ATR: variants seen among roughly 807,000 people sequenced by gnomAD.
ATR encodes the protein serine/threonine-protein kinase ATR.
In ATR, 142 loss-of-function variants were observed where a neutral mutation model predicts 305.3. The observed-to-expected ratio is 0.47, with a 90% CI of 0.41 to 0.53. The LOEUF is 0.53. Ranked by LOEUF, ATR falls within the 20% of genes least tolerant of loss-of-function variation. The probability of loss-of-function intolerance (pLI) is 0.00; values close to 1 mark genes in which losing one functional copy is unlikely to be tolerated. For missense variants in ATR, 2,135 were observed against 3,133.1 expected, an observed-to-expected ratio of 0.68 and a Z score of 7.60; for synonymous variants, 1,050 against 1,068.1, an observed-to-expected ratio of 0.98 and a Z score of 0.33.
At chr3:142,553,455 C>A in intron 12 of ATR, 57 bp from the exon 13 acceptor site, 4 of 1,494,266 alleles carry the variant, frequency 2.7e-6, no homozygotes, top group Non-Finnish European at 3.7e-6. Context: ...CACACACACA[C>A]ACATACACAC....
chr3:142,516,140 GATC>G (rs1265982541), intron 24 of ATR, among the ~76,000 whole-genome samples: 3 of 152,042 alleles, frequency 2.0e-5, no homozygotes. Context: ...CTCTTGTTGA[GATC>G]TTCTGTTCCG....
rs755761580 is a variant in ATR at position 142,562,664 on chromosome 3, G to A, written c.738C>T (p.Ser246=). 7 of 1,613,876 alleles carry A rather than the reference G, an allele frequency of 4.3e-6. No individual in the cohort carries two copies. The highest frequency in any genetic ancestry group is 3.3e-5 in the Admixed American group (2 of 59,982). ...GTTCTGTTAAAAAGCTAATTGCTAG[G>A]GATTTAATTTTTGGACTACCATACT... ...LLEYGSPKIK[S]LAISFLTELF... is the part of the protein sequence containing the mutation. The change falls in exon 4 of 47, where the codon TCC becomes TCT. Residue 246 remains serine, a synonymous_variant. Coordinates refer to ENST00000350721, the MANE Select transcript of ATR (RefSeq NM_001184.4).
chr3:142,479,209 T>C (rs1217052938), intron 36 of ATR, among the ~76,000 whole-genome samples: 3 of 152,172 alleles, frequency 2.0e-5, no homozygotes, highest in Non-Finnish European at 2.9e-5. Flanking sequence ...TTGGCATGTT[T>C]CTGCAGTGGC....
At position 142,556,567 on chromosome 3, in the gene ATR, C is replaced by T. The variant is rs1313533098; in HGVS notation, c.1894G>A (p.Ala632Thr). 1 of 1,613,864 alleles carries T rather than the reference C, an allele frequency of 6.2e-7. No homozygotes were observed. The highest frequency in any genetic ancestry group is 8.5e-7 in the Non-Finnish European group (1 of 1,179,940). The part of the protein sequence containing the change: ...CRISDSYSPQ[A>T]QSRCVFLLTL... ...AGAAGAAACACACATCGTGATTGTG[C>T]CTGTGGTGCTGAAAAAATTAAGTCT... Residue 632 changes from alanine (A) to threonine (T), a missense_variant, in exon 9 of 47, where the codon GCA becomes ACA. By Grantham distance (58) the Ala-to-Thr change is moderately conservative (BLOSUM62 0). This residue lies in a region of ATR where 744 missense variants were observed against 873.2 expected (regional missense o/e 0.85). Coordinates refer to ENST00000350721, the MANE Select transcript of ATR (RefSeq NM_001184.4).
At chr3:142,477,850 T>C (rs1211886098) in intron 36 of ATR, among the ~76,000 whole-genome samples, 1 of 152,236 alleles carries the variant, frequency 6.6e-6, no homozygotes, top group Non-Finnish European at 1.5e-5. Flanking sequence ...AATTTATCCA[T>C]TTCTTCTAGA....
At position 142,459,241 on chromosome 3, in the gene ATR, A is replaced by G. The variant is rs999756372; in HGVS notation, c.7335T>C (p.Pro2445=). The change falls in exon 43 of 47, where the codon CCT becomes CCC. Residue 2445 remains proline, a synonymous_variant. Coordinates refer to ENST00000350721, the MANE Select transcript of ATR (RefSeq NM_001184.4). The part of the protein sequence containing the change: ...IFHEWFLRTF[P]DPTSWYSSRS... The stretch of plus-strand genomic sequence containing the variant: ...TGGTAACTTACCATGATGTAGGATC[A>G]GGGAATGTTCTCAGAAACCACTCAT... 1 of 1,614,058 alleles carries G rather than the reference A, an allele frequency of 6.2e-7. No homozygotes were observed. Among genetic ancestry groups the G allele is most frequent in the Non-Finnish European group, 8.5e-7 (1 of 1,179,894 alleles).
intron 16 of ATR, among the ~76,000 whole-genome samples, chr3:142,545,991 T>C (rs555375971): frequency 6.6e-6 from 1 of 152,290 alleles, no homozygotes; most frequent in East Asian, 1.9e-4. Context: ...GGTGAATATC[T>C]GTTTGCCATC....
chr3:142,504,325 T>C (rs1452723359), intron 29 of ATR, among the ~76,000 whole-genome samples: 1 of 152,210 alleles, frequency 6.6e-6, no homozygotes, highest in Non-Finnish European at 1.5e-5. Context: ...AACTGATCCA[T>C]GGCTTACACT....
At chr3:142,452,610 G>T (rs998874017) in intron 46 of ATR, 12 of 833,488 alleles carry the variant, frequency 1.4e-5, no homozygotes, top group Non-Finnish European at 1.7e-5. Context: ...GGAGGCAGAG[G>T]TTGCCGTGAG....
At chr3:142,535,629 C>A (rs1196666220) in intron 20 of ATR, among the ~76,000 whole-genome samples, 1 of 152,144 alleles carries the variant, frequency 6.6e-6, no homozygotes, top group African/African-American at 2.4e-5. Flanking sequence ...GAAATCACCA[C>A]TAACATCTTC....
In ATR at chr3:142,556,491, T is replaced by C. The variant is rs751784259; in HGVS notation, c.1970A>G (p.Asn657Ser). Residue 657 changes from asparagine to serine, a missense_variant, in exon 9 of 47, where the codon AAC becomes AGC. Transcript: ENST00000350721. ...IFLEWRTAVY[N>S]WALQSSHEVI... ...TTCATGGGAGCTCTGCAGGGCCCAG[T>C]TGTAAACTGCTGTTCTCCACTCAAG... 23 of 1,613,956 alleles carry C rather than the reference T, an allele frequency of 1.4e-5. No individual in the cohort carries two copies. The highest frequency in any genetic ancestry group is 1.8e-5 in the Non-Finnish European group (21 of 1,179,978).
intron 3 of ATR, 70 bp from the exon 4 acceptor site, chr3:142,563,179 T>G: frequency 7.1e-7 from 1 of 1,414,766 alleles, no homozygotes; most frequent in Non-Finnish European, 9.6e-7. Context: ...TGCTAAATCC[T>G]TGACGATTGA....
intron 21 of ATR, among the ~76,000 whole-genome samples, chr3:142,528,526 ACTTTCCACTTATC>A (rs1315870777): frequency 6.6e-6 from 1 of 151,898 alleles, no homozygotes; most frequent in African/African-American, 2.4e-5. Context: ...GCTTTCTTAT[ACTTTCCACTTATC>A]TGGATAATTT....
At chr3:142,522,674 G>T (rs1269825774) in intron 23 of ATR, 54 bp downstream of exon 23, 1 of 1,396,844 alleles carries the variant, frequency 7.2e-7, no homozygotes, top group Non-Finnish European at 1.0e-6. Context: ...AATTTACAAC[G>T]TTCTTATTTG....
chr3:142,538,507 A>T lies in ATR; in HGVS notation c.3700T>A (p.Phe1234Ile). 1 of 1,613,098 alleles carries T rather than the reference A, an allele frequency of 6.2e-7. No individual in the cohort carries two copies. Among genetic ancestry groups the T allele is most frequent in the Non-Finnish European group, 8.5e-7 (1 of 1,179,268 alleles). The part of the protein sequence containing the change: ...HIQPKETAAI[F>I]HYLIIENRDA... ...CTGTTTTCAATTATGAGGTAGTGGA[A>T]GATAGCTGCAGTTTCTTTAGGCTGG... Residue 1234 changes from phenylalanine (F) to isoleucine (I), a missense_variant, in exon 19 of 47, where the codon TTC becomes ATC. By Grantham distance (21) the Phe-to-Ile change is conservative. Around this residue, in one of 9 missense-constraint regions of ATR, gnomAD observed 530 missense variants for 766.8 expected, o/e 0.69. Coordinates refer to ENST00000350721, the MANE Select transcript of ATR (RefSeq NM_001184.4).
intron 41 of ATR, among the ~76,000 whole-genome samples, chr3:142,463,741 C>T (rs1295392886): frequency 1.3e-5 from 2 of 152,096 alleles, no homozygotes; most frequent in African/African-American, 4.8e-5. Flanking sequence ...TTTGAAATAG[C>T]TTTTTAATGT....
At chr3:142,480,393 AGAACAGCAAATATTGCT>A (rs1319646211) in intron 36 of ATR, among the ~76,000 whole-genome samples, 5 of 152,248 alleles carry the variant, frequency 3.3e-5, no homozygotes, top group African/African-American at 9.6e-5. Context: ...CGGAGGCTGC[AGAACAGCAAATATTGCT>A]GAACAGCAAA....
intron 28 of ATR, among the ~76,000 whole-genome samples, chr3:142,506,983 A>G (rs1194696201): frequency 2.6e-5 from 4 of 152,202 alleles, no homozygotes; most frequent in African/African-American, 2.4e-5. Context: ...AGCTGCTTAC[A>G]TGGTTGGAGT....
chr3:142,453,355 G>A (rs773284609), intron 45 of ATR, 122 bp from the exon 46 acceptor site: 31 of 1,234,266 alleles, frequency 2.5e-5, no homozygotes, highest in African/African-American at 6.0e-5. Context: ...ACATTACTAC[G>A]TCTTCATTAA....
Sources: gnomAD v4.1 joint callset for allele counts (sites outside exome capture counted in the v4.1 genomes callset) on GRCh38, gnomAD v4.1.1 for gene constraint, gnomAD v4.1.1 regional missense constraint, MANE v1.5 for transcripts, NCBI Gene and HGNC (gene_info 2026-07-23, HGNC 2026-07-21) for gene names.